FHAD1: variants seen among roughly 807,000 people sequenced by gnomAD.
FHAD1 encodes the protein forkhead associated phosphopeptide binding domain 1.
Under a neutral mutation model 191.3 loss-of-function variants are expected in FHAD1, and 146 were observed. That is an observed-to-expected ratio of 0.76 (90% confidence interval 0.67 to 0.88). FHAD1 has a LOEUF of 0.88. Ranked by LOEUF, FHAD1 falls within the 40% of genes least tolerant of loss-of-function variation. The pLI, the probability that FHAD1 is intolerant of heterozygous loss-of-function variation, is 0.00. For synonymous variants in FHAD1, 616 were observed against 672.3 expected, an observed-to-expected ratio of 0.92 and a Z score of 1.29; for missense variants, 1,635 against 1,785.8, an observed-to-expected ratio of 0.92 and a Z score of 1.52.
rs1278817750 is a variant in FHAD1 at position 15,388,417 on chromosome 1, A to G, written c.4269+286A>G. ...AGCACGCGTCCAGCCCCGTCTGTCC[A>G]TTAAGGTGAGAAGGCAGAGGGGATA... On this transcript the variant is annotated intron_variant, in intron 32 of 33. Coordinates refer to ENST00000688493, the MANE Select transcript of FHAD1 (RefSeq NM_001391957.1). 6 of 1,144,036 alleles carry G rather than the reference A, an allele frequency of 5.2e-6. No homozygotes were observed. In the Admixed American group the frequency reaches 2.4e-4, roughly 45 times the overall value. 70.9% of individuals were successfully genotyped at this position (1,144,036 alleles called of 1,614,324 possible).
In FHAD1 at chr1:15,391,197, T is replaced by G. The variant is rs770481172; in HGVS notation, c.4270-13T>G. The G allele has an allele frequency of 5.5e-6, 7 of 1,265,604 alleles. No individual in the cohort carries two copies. The South Asian group carries it at 9.1e-5, about 16-fold the overall frequency. The allele number at this position is 1,265,604 out of a possible 1,614,324, so 78.4% of individuals were successfully genotyped here. A position where few individuals can be genotyped will look rare whatever the true frequency, so the allele number is the denominator to read the frequency against. On this transcript the variant is annotated splice_polypyrimidine_tract_variant and intron_variant, in intron 32 of 33. Transcript: ENST00000688493. ...CTAAGCTAGATTTTGTTCTTATTCT[T>G]TCTGTATTGAAGAGACGAGTATTTG...
intron 15 of FHAD1, among the ~76,000 whole-genome samples, chr1:15,340,183 A>G (rs1558159555): frequency 6.6e-6 from 1 of 152,262 alleles, no homozygotes; most frequent in South Asian, 2.1e-4. Flanking sequence ...AAGTACAGCT[A>G]TCTATAGCAC....
At chr1:15,392,357 C>A (rs1027270085) in intron 33 of FHAD1, among the ~76,000 whole-genome samples, 1 of 152,068 alleles carries the variant, frequency 6.6e-6, no homozygotes, top group Non-Finnish European at 1.5e-5. Context: ...ACGGTGAAAC[C>A]CCGTCTTTAC....
At chr1:15,349,296 G>A (rs891766367) in intron 19 of FHAD1, 147 bp downstream of exon 19, 18 of 638,270 alleles carry the variant, frequency 2.8e-5, no homozygotes, top group African/African-American at 3.7e-5. Flanking sequence ...TGTGACCTCC[G>A]GCAGATCGCC....
intron 32 of FHAD1, among the ~76,000 whole-genome samples, chr1:15,390,375 T>C (rs1017750392): frequency 2.0e-5 from 3 of 148,422 alleles, no homozygotes; most frequent in Non-Finnish European, 4.4e-5. Flanking sequence ...AAAGGCACTT[T>C]AAGAGAATAC....
intron 3 of FHAD1, among the ~76,000 whole-genome samples, chr1:15,283,687 C>CT (rs1211425082): frequency 1.3e-5 from 2 of 152,190 alleles, no homozygotes; most frequent in African/African-American, 4.8e-5. Context: ...ACAGCCCTGC[C>CT]TGGGGGGAGA....
At chr1:15,337,446 G>C (rs571064284) in intron 14 of FHAD1, among the ~76,000 whole-genome samples, 6 of 152,226 alleles carry the variant, frequency 3.9e-5, no homozygotes, top group African/African-American at 1.4e-4. Flanking sequence ...TGAATACCTG[G>C]GCGTCTCTCG....
At chr1:15,388,197 A>C in intron 32 of FHAD1, 66 bp downstream of exon 32, 4,368 of 1,014,160 alleles carry the variant, frequency 4.3e-3, no homozygotes, top group Non-Finnish European at 5.3e-3. Flanking sequence ...GTAAGAGCTC[A>C]TGGCATGCAA....
intron 21 of FHAD1, among the ~76,000 whole-genome samples, chr1:15,359,375 C>T (rs375308433): frequency 6.6e-6 from 1 of 151,920 alleles, no homozygotes; most frequent in Non-Finnish European, 1.5e-5. Context: ...GATCAGAGGC[C>T]AAGGCCCAGC....
At position 15,381,939 on chromosome 1, in the gene FHAD1, T is replaced by G; in HGVS notation, c.4023-89T>G. ...CTCCTGAGTGAGCCCCCACTGTGGA[T>G]GTATTTTGAGAGACTTCCGGGTCTG... On this transcript the variant is annotated intron_variant, in intron 30 of 33. Coordinates refer to ENST00000688493, the MANE Select transcript of FHAD1 (RefSeq NM_001391957.1). This position sits in a 1 kb window ranked among gnomAD's most constrained non-coding sequence, Gnocchi z 4.6. The G allele has an allele frequency of 1.4e-6, 2 of 1,402,150 alleles. No homozygotes were observed. The highest frequency in any genetic ancestry group is 1.4e-5 in the South Asian group (1 of 72,952). 86.9% of individuals were successfully genotyped at this position (1,402,150 alleles called of 1,614,324 possible).
At chr1:15,315,587 G>T (rs571510257) in intron 8 of FHAD1, among the ~76,000 whole-genome samples, 1 of 148,416 alleles carries the variant, frequency 6.7e-6, no homozygotes, top group East Asian at 2.0e-4. Flanking sequence ...CCGGGTTCAC[G>T]CCATTCTCCT....
intron 23 of FHAD1, among the ~76,000 whole-genome samples, chr1:15,362,938 C>T (rs1353860150): frequency 1.3e-5 from 2 of 152,228 alleles, no homozygotes; most frequent in Non-Finnish European, 2.9e-5. Context: ...CTGCTGCCTT[C>T]CCAGTGCTGC....
At chr1:15,252,463 G>A (rs1019799950) in intron 2 of FHAD1, among the ~76,000 whole-genome samples, 24 of 152,328 alleles carry the variant, frequency 1.6e-4, no homozygotes, top group African/African-American at 5.3e-4. Flanking sequence ...GCAACAGTAC[G>A]TTGACATAGC....
chr1:15,321,780 TGTGCATGTTTGCATGCACATGTGTGC>T (rs1558104117), intron 10 of FHAD1, among the ~76,000 whole-genome samples: 1 of 152,228 alleles, frequency 6.6e-6, no homozygotes, highest in African/African-American at 2.4e-5. Context: ...TATGTGTGAT[TGTGCATGTTTGCATGCACATGTGTGC>T]ATGCATGTGT....
chr1:15,291,616 C>T (rs1208710560), intron 4 of FHAD1, among the ~76,000 whole-genome samples: 1 of 152,052 alleles, frequency 6.6e-6, no homozygotes, highest in African/African-American at 2.4e-5. Context: ...CATATAGCAC[C>T]CTAAAACAAA....
chr1:15,272,668 G>C (rs6703582), intron 3 of FHAD1, 139 bp downstream of exon 3: 423,736 of 741,238 alleles, frequency 0.57, 126,004 homozygotes, highest in East Asian at 0.95. Flanking sequence ...GAGACAGAGT[G>C]GACCCTGTGG....
At chr1:15,265,906 G>A (rs1653216578) in intron 2 of FHAD1, among the ~76,000 whole-genome samples, 1 of 145,886 alleles carries the variant, frequency 6.9e-6, no homozygotes, top group Admixed American at 7.1e-5. Flanking sequence ...GGGAGGCGGA[G>A]GTTGCAGTGA....
intron 1 of FHAD1, among the ~76,000 whole-genome samples, chr1:15,241,303 C>T (rs1313083372): frequency 6.6e-6 from 1 of 152,118 alleles, no homozygotes; most frequent in African/African-American, 2.4e-5. Context: ...TAACGTCAAG[C>T]GAAAGAAACC....
chr1:15,394,608 T>C (rs554246284), intron 33 of FHAD1, among the ~76,000 whole-genome samples: 1 of 152,258 alleles, frequency 6.6e-6, no homozygotes, highest in East Asian at 1.9e-4. Flanking sequence ...GATTTTTAAA[T>C]CCATCTTAAG....
Sources: allele counts gnomAD v4.1 joint callset (sites outside exome capture counted in the v4.1 genomes callset), GRCh38; gene constraint gnomAD v4.1.1; non-coding constraint Gnocchi (gnomAD v3.1); transcripts MANE v1.5; gene names NCBI Gene and HGNC (gene_info 2026-07-23, HGNC 2026-07-21).